CDH4: variants seen among roughly 807,000 people sequenced by gnomAD.
The protein encoded by CDH4 is cadherin-4.
CDH4 carries 33 observed loss-of-function variants against 86.0 expected under a neutral mutation model. That is an observed-to-expected ratio of 0.38 (90% CI 0.29 to 0.51). The LOEUF is 0.51. Among genes scored for constraint, CDH4 ranks in the 20% least tolerant of loss-of-function variants. The pLI is 0.86. For missense variants in CDH4, 1,114 were observed against 1,307.4 expected, an observed-to-expected ratio of 0.85 and a Z score of 2.28; for synonymous variants, 555 against 549.4, an observed-to-expected ratio of 1.01 and a Z score of -0.14.
At chr20:61,687,557 A>G (rs2087599070) in intron 2 of CDH4, among the ~76,000 whole-genome samples, 1 of 152,256 alleles carries the variant, frequency 6.6e-6, no homozygotes, top group South Asian at 2.1e-4. Context: ...ATTTAGGAGT[A>G]GTTTTAAGCA....
At chr20:61,426,467 C>T (rs1363760194) in intron 2 of CDH4, among the ~76,000 whole-genome samples, 1 of 152,130 alleles carries the variant, frequency 6.6e-6, no homozygotes, top group Admixed American at 6.5e-5. Flanking sequence ...GTGTGGAGGG[C>T]TGTAGGTAGA....
intron 4 of CDH4, among the ~76,000 whole-genome samples, chr20:61,777,648 G>A (rs1175260880): frequency 6.7e-6 from 1 of 148,266 alleles, no homozygotes; most frequent in Non-Finnish European, 1.5e-5. Flanking sequence ...GTCTACACAC[G>A]CACACACGTG....
At chr20:61,572,824 T>TATGG (rs56253553) in intron 2 of CDH4, among the ~76,000 whole-genome samples, 51,391 of 145,958 alleles carry the variant, frequency 0.35, 9,320 homozygotes, top group Middle Eastern at 0.49. Context: ...TTCAGAACAC[T>TATGG]ATGGATGGAT....
chr20:61,748,133 A>G (rs544571395), intron 3 of CDH4, among the ~76,000 whole-genome samples: 10 of 151,982 alleles, frequency 6.6e-5, no homozygotes, highest in Non-Finnish European at 1.3e-4. Context: ...CCATTGAATG[A>G]TTTCTTTTCT....
intron 7 of CDH4, among the ~76,000 whole-genome samples, chr20:61,877,166 CCCCTGCCCCT>C (rs1377801711): frequency 1.3e-5 from 2 of 152,142 alleles, no homozygotes; most frequent in African/African-American, 4.8e-5. Flanking sequence ...GGCTCAGCTC[CCCCTGCCCCT>C]ACAGATCATG....
chr20:61,341,069 T>G (rs2123282532), intron 2 of CDH4, among the ~76,000 whole-genome samples: 1 of 152,294 alleles, frequency 6.6e-6, no homozygotes, highest in Admixed American at 6.5e-5. Flanking sequence ...CTCACCTCCT[T>G]CCCTGGAGAG....
intron 2 of CDH4, among the ~76,000 whole-genome samples, chr20:61,565,114 T>TGGC (rs1364743502): frequency 8.0e-6 from 1 of 125,594 alleles, no homozygotes; most frequent in East Asian, 2.1e-4. Flanking sequence ...TTGGTGGTGC[T>TGGC]GGTGCTCTTG....
intron 2 of CDH4, among the ~76,000 whole-genome samples, chr20:61,367,867 C>CTTTTTTTTTTTTTTTTTTT (rs372521090): frequency 1.7e-5 from 2 of 119,078 alleles, no homozygotes; most frequent in Non-Finnish European, 3.4e-5. Context: ...TCTCCAGGAT[C>CTTTTTTTTTTTTTTTTTTT]TTTTTTTTTT....
intron 2 of CDH4, among the ~76,000 whole-genome samples, chr20:61,697,258 A>G (rs2145880041): frequency 6.6e-6 from 1 of 152,264 alleles, no homozygotes; most frequent in African/African-American, 2.4e-5. Flanking sequence ...TAGGGCCCAC[A>G]CCCAGGCGAG....
intron 2 of CDH4, among the ~76,000 whole-genome samples, chr20:61,572,641 C>G (rs540713121): frequency 1.2e-4 from 18 of 152,332 alleles, no homozygotes; most frequent in Admixed American, 9.1e-4. Flanking sequence ...AACAAGGCCC[C>G]CAGGACAGCG....
intron 4 of CDH4, among the ~76,000 whole-genome samples, chr20:61,793,915 G>C (rs1265881483): frequency 4.0e-5 from 6 of 150,298 alleles, no homozygotes; most frequent in Non-Finnish European, 8.8e-5. Flanking sequence ...AAGGCGGGTA[G>C]ATCACGAAGT....
At chr20:61,646,395 C>G (rs771652838) in intron 2 of CDH4, among the ~76,000 whole-genome samples, 2 of 152,216 alleles carry the variant, frequency 1.3e-5, no homozygotes, top group Non-Finnish European at 2.9e-5. Flanking sequence ...GACAGCCACC[C>G]TTCTGAAGGG....
intron 2 of CDH4, among the ~76,000 whole-genome samples, chr20:61,548,984 G>A (rs557993437): frequency 7.0e-4 from 106 of 151,740 alleles, no homozygotes; most frequent in African/African-American, 2.4e-3. Context: ...TTCGGGTCTC[G>A]GGGGGAGAGG....
intron 4 of CDH4, among the ~76,000 whole-genome samples, chr20:61,826,465 C>A (rs9941729): frequency 0.051 from 7,821 of 152,272 alleles, 413 homozygotes; most frequent in African/African-American, 0.14. Flanking sequence ...TTGCTGATGC[C>A]CTTATGGAAA....
chr20:61,632,206 G>A (rs2086895663), intron 2 of CDH4, among the ~76,000 whole-genome samples: 1 of 152,208 alleles, frequency 6.6e-6, no homozygotes, highest in African/African-American at 2.4e-5. Flanking sequence ...TGAAGCGCAG[G>A]GCACATGCAT....
chr20:61,622,032 C>T (rs1459235986), intron 2 of CDH4, among the ~76,000 whole-genome samples: 3 of 152,248 alleles, frequency 2.0e-5, no homozygotes, highest in Non-Finnish European at 2.9e-5. Flanking sequence ...GATCGCCTCA[C>T]AGTTGCGTCT....
chr20:61,318,436 G>C (rs186051508), intron 2 of CDH4, among the ~76,000 whole-genome samples: 1 of 151,858 alleles, frequency 6.6e-6, no homozygotes, highest in East Asian at 1.9e-4. Context: ...TTGAACTGAC[G>C]TTCTTTTTTT....
chr20:61,686,681 T>C (rs1205737680), intron 2 of CDH4, among the ~76,000 whole-genome samples: 1 of 137,982 alleles, frequency 7.2e-6, no homozygotes, highest in East Asian at 2.2e-4. Flanking sequence ...GCGTGTGCAT[T>C]TGTGTGTGCA....
chr20:61,549,492 A>G (rs550227465), intron 2 of CDH4, among the ~76,000 whole-genome samples: 1 of 152,314 alleles, frequency 6.6e-6, no homozygotes, highest in Admixed American at 6.5e-5. Flanking sequence ...AGGGAGGTTT[A>G]GGGGGCAGGA....
Sources: gnomAD v4.1 joint callset for allele counts (sites outside exome capture counted in the v4.1 genomes callset) on GRCh38, gnomAD v4.1.1 for gene constraint, MANE v1.5 for transcripts, NCBI Gene and HGNC (gene_info 2026-07-23, HGNC 2026-07-21) for gene names.